PRKG1: variants seen among roughly 807,000 people sequenced by gnomAD.
PRKG1 encodes cGMP-dependent protein kinase 1.
PRKG1 carries 35 observed loss-of-function variants against 88.1 expected under a neutral mutation model. The ratio of observed to expected loss-of-function variants is 0.40; its 90% CI spans 0.30 to 0.53. The LOEUF is 0.53. Among genes scored for constraint, PRKG1 ranks in the 20% least tolerant of loss-of-function variants. The probability of loss-of-function intolerance (pLI) is 0.59; values close to 1 mark genes in which losing one functional copy is unlikely to be tolerated. For synonymous variants in PRKG1, 303 were observed against 292.5 expected, an observed-to-expected ratio of 1.04 and a Z score of -0.37; for missense variants, 540 against 839.8, an observed-to-expected ratio of 0.64 and a Z score of 4.41.
At chr10:52,137,594 A>C (rs889292787) in intron 8 of PRKG1, among the ~76,000 whole-genome samples, 2 of 152,146 alleles carry the variant, frequency 1.3e-5, no homozygotes, top group African/African-American at 4.8e-5. Context: ...TAATATTTGC[A>C]TATAACCTAT....
chr10:51,835,338 A>G (rs991148091), intron 4 of PRKG1, among the ~76,000 whole-genome samples: 1 of 152,192 alleles, frequency 6.6e-6, no homozygotes, highest in Non-Finnish European at 1.5e-5. Context: ...TCTTGAATAT[A>G]GAGGACTGGC....
intron 5 of PRKG1, among the ~76,000 whole-genome samples, chr10:52,016,072 T>C (rs1845032056): frequency 6.6e-6 from 1 of 152,216 alleles, no homozygotes; most frequent in South Asian, 2.1e-4. Context: ...CCTCTGCGGA[T>C]TACTTAGTTC....
intron 2 of PRKG1, among the ~76,000 whole-genome samples, chr10:51,270,191 T>A (rs1839942161): frequency 6.6e-6 from 1 of 152,218 alleles, no homozygotes. Flanking sequence ...TCTAGATTTG[T>A]AAAATGTATT....
intron 2 of PRKG1, among the ~76,000 whole-genome samples, chr10:51,224,576 T>C (rs949310947): frequency 6.6e-6 from 1 of 152,222 alleles, no homozygotes; most frequent in Non-Finnish European, 1.5e-5. Flanking sequence ...AGAACACATT[T>C]ACTTTCATTT....
intron 7 of PRKG1, among the ~76,000 whole-genome samples, chr10:52,111,546 T>C (rs1847564743): frequency 6.6e-6 from 1 of 152,236 alleles, no homozygotes; most frequent in South Asian, 2.1e-4. Context: ...ATAATTTAAA[T>C]AAAATTTGGG....
At chr10:51,974,356 T>A (rs1229261742) in intron 5 of PRKG1, among the ~76,000 whole-genome samples, 2 of 152,088 alleles carry the variant, frequency 1.3e-5, no homozygotes, top group African/African-American at 4.8e-5. Context: ...CTGCTTACAC[T>A]CCTCCCCACC....
At chr10:51,489,385 A>G (rs1363698487) in intron 3 of PRKG1, among the ~76,000 whole-genome samples, 1 of 152,166 alleles carries the variant, frequency 6.6e-6, no homozygotes, top group Non-Finnish European at 1.5e-5. Context: ...GCAATGAGGC[A>G]CAGTGGGTAG....
At chr10:51,116,849 C>T (rs1372021815) in intron 1 of PRKG1, among the ~76,000 whole-genome samples, 8 of 152,084 alleles carry the variant, frequency 5.3e-5, no homozygotes, top group African/African-American at 1.9e-4. Flanking sequence ...GCATTGCTAT[C>T]AGAGGAAGAT....
intron 1 of PRKG1, among the ~76,000 whole-genome samples, chr10:51,082,213 C>A (rs1055676690): frequency 6.6e-6 from 1 of 152,188 alleles, no homozygotes; most frequent in African/African-American, 2.4e-5. Context: ...AGCTCCAGAG[C>A]TTTTCTCCTT....
intron 2 of PRKG1, among the ~76,000 whole-genome samples, chr10:51,218,486 T>G (rs1336455907): frequency 9.1e-6 from 1 of 110,104 alleles, no homozygotes; most frequent in East Asian, 2.6e-4. Flanking sequence ...AGTTCATCTA[T>G]CTTCATATAT....
intron 2 of PRKG1, among the ~76,000 whole-genome samples, chr10:51,284,729 G>T (rs182665531): frequency 1.2e-3 from 182 of 152,116 alleles, no homozygotes; most frequent in African/African-American, 4.3e-3. Context: ...AGGCTTACTA[G>T]GTTTTCTGTC....
Position 52,127,256 on chromosome 10 carries a change from T to A in PRKG1, c.936-6584T>A, listed in dbSNP as rs928383439. 4.6e-5 allele frequency among the ~76,000 whole-genome samples: 7 copies of A among 152,266 alleles called. No homozygotes were observed. The East Asian group carries it at 1.3e-3, about 29-fold the overall frequency. On this transcript the variant is annotated intron_variant, in intron 7 of 17. Transcript: ENST00000373980. ...GCAATAATGCTGATGCCATTTACCATGATAGGGAACCCAAGGAAAACAGTG... is the reference window on the plus strand; with the variant it reads ...GCAATAATGCTGATGCCATTTACCAAGATAGGGAACCCAAGGAAAACAGTG...
At chr10:51,374,093 A>AATATATATAT (rs58198784) in intron 2 of PRKG1, among the ~76,000 whole-genome samples, 10 of 100,176 alleles carry the variant, frequency 1.0e-4, no homozygotes, top group African/African-American at 1.3e-4. Context: ...AAAAAAAAAA[A>AATATATATAT]ATATATATAT....
chr10:52,038,673 A>G (rs1230489129), intron 5 of PRKG1, among the ~76,000 whole-genome samples: 3 of 152,108 alleles, frequency 2.0e-5, no homozygotes, highest in Non-Finnish European at 4.4e-5. Context: ...ACTTGCTGCT[A>G]AGGGTGAAGG....
At chr10:51,827,659 C>A (rs759433566) in intron 4 of PRKG1, among the ~76,000 whole-genome samples, 1 of 152,000 alleles carries the variant, frequency 6.6e-6, no homozygotes, top group Non-Finnish European at 1.5e-5. Flanking sequence ...CATGATGATT[C>A]TGAAAATGAG....
chr10:51,379,718 G>T (rs908172165), intron 2 of PRKG1, among the ~76,000 whole-genome samples: 1 of 152,222 alleles, frequency 6.6e-6, no homozygotes, highest in African/African-American at 2.4e-5. Flanking sequence ...TCACTCGACA[G>T]ATTTAACTGA....
At chr10:52,074,793 T>A (rs10762552) in intron 7 of PRKG1, among the ~76,000 whole-genome samples, 26,243 of 152,146 alleles carry the variant, frequency 0.17, 2,870 homozygotes, top group South Asian at 0.28. Context: ...ACAAAAGAAA[T>A]GCTTTAAGGT....
intron 8 of PRKG1, 142 bp downstream of exon 8, chr10:52,134,047 C>A (rs895607784): frequency 2.0e-5 from 14 of 699,970 alleles, no homozygotes; most frequent in Non-Finnish European, 3.0e-5. Flanking sequence ...ATTTGTTTCT[C>A]ATTCCCTATT....
chr10:51,800,886 C>T (rs1280212657), intron 3 of PRKG1, among the ~76,000 whole-genome samples: 1 of 152,034 alleles, frequency 6.6e-6, no homozygotes, highest in African/African-American at 2.4e-5. Flanking sequence ...CCAAGGCAAC[C>T]ACCCTCTGAT....
Sources: gnomAD v4.1 joint callset for allele counts (sites outside exome capture counted in the v4.1 genomes callset) on GRCh38, gnomAD v4.1.1 for gene constraint, MANE v1.5 for transcripts, NCBI Gene and HGNC (gene_info 2026-07-23, HGNC 2026-07-21) for gene names.